EXOC2: variants seen among roughly 807,000 people sequenced by gnomAD.
EXOC2 encodes the protein SEC5-like 1.
A neutral mutation model predicts 131.8 loss-of-function variants in EXOC2; 70 were observed. That is an observed-to-expected ratio of 0.53 (90% confidence interval 0.44 to 0.65). The LOEUF is 0.65. Ranked by LOEUF, EXOC2 falls within the 30% of genes least tolerant of loss-of-function variation. The pLI is 0.00. For missense variants in EXOC2, 923 were observed against 1,108.6 expected, an observed-to-expected ratio of 0.83 and a Z score of 2.38; for synonymous variants, 411 against 398.4, an observed-to-expected ratio of 1.03 and a Z score of -0.38.
chr6:492,171 A>G (rs1763472376), intron 25 of EXOC2, among the ~76,000 whole-genome samples: 1 of 152,366 alleles, frequency 6.6e-6, no homozygotes, highest in East Asian at 1.9e-4. Flanking sequence ...CCAGTGCTAC[A>G]AAGACACCAT....
intron 1 of EXOC2, among the ~76,000 whole-genome samples, chr6:650,282 A>C (rs1269968013): frequency 6.6e-6 from 1 of 152,194 alleles, no homozygotes; most frequent in African/African-American, 2.4e-5. Flanking sequence ...ACTTTTACGC[A>C]CTGTGAAACG....
At chr6:658,454 G>T (rs918688700) in intron 1 of EXOC2, among the ~76,000 whole-genome samples, 1 of 151,706 alleles carries the variant, frequency 6.6e-6, no homozygotes, top group Admixed American at 6.6e-5. Flanking sequence ...AGACTTCTTT[G>T]TTTGCCGTCT....
intron 1 of EXOC2, among the ~76,000 whole-genome samples, chr6:692,154 T>C (rs1361012314): frequency 6.6e-6 from 1 of 152,246 alleles, no homozygotes; most frequent in African/African-American, 2.4e-5. Flanking sequence ...GTGGCTAACT[T>C]AGAAAAAATA....
chr6:601,121 G>A (rs997242587), intron 7 of EXOC2, among the ~76,000 whole-genome samples: 1 of 152,126 alleles, frequency 6.6e-6, no homozygotes, highest in Non-Finnish European at 1.5e-5. Context: ...AAGAAAAGGG[G>A]TGCTCTTCAC....
At chr6:569,618 A>C (rs1758160002) in intron 13 of EXOC2, among the ~76,000 whole-genome samples, 2 of 152,338 alleles carry the variant, frequency 1.3e-5, no homozygotes, top group Admixed American at 1.3e-4. Context: ...AAGGGAAGCA[A>C]GTGTCCCCAG....
intron 7 of EXOC2, among the ~76,000 whole-genome samples, chr6:604,987 C>T (rs1441443640): frequency 6.6e-6 from 1 of 152,096 alleles, no homozygotes; most frequent in Admixed American, 6.5e-5. Flanking sequence ...TATTATCAAA[C>T]CATCATTTGA....
chr6:617,639 T>C (rs1458246869), intron 6 of EXOC2, 72 bp downstream of exon 6: 5 of 1,556,450 alleles, frequency 3.2e-6, no homozygotes, highest in South Asian at 1.2e-5. Context: ...TCACACCCTG[T>C]AAACACCCTG....
intron 23 of EXOC2, among the ~76,000 whole-genome samples, chr6:528,668 C>T (rs139337861): frequency 9.9e-5 from 15 of 151,926 alleles, no homozygotes; most frequent in African/African-American, 2.7e-4. Flanking sequence ...AACCAATAAA[C>T]GAAGCTATGT....
At chr6:536,438 G>A (rs1304043646) in intron 22 of EXOC2, among the ~76,000 whole-genome samples, 1 of 152,066 alleles carries the variant, frequency 6.6e-6, no homozygotes, top group African/African-American at 2.4e-5. Context: ...ACAAAACACT[G>A]CTGAAAGAAA....
intron 3 of EXOC2, among the ~76,000 whole-genome samples, chr6:632,062 G>A (rs999145051): frequency 9.9e-5 from 15 of 152,250 alleles, no homozygotes; most frequent in Non-Finnish European, 1.8e-4. Context: ...TGCTGACCAG[G>A]TGCAAGACAT....
intron 23 of EXOC2, among the ~76,000 whole-genome samples, chr6:522,018 T>G (rs1765495958): frequency 6.6e-6 from 1 of 152,234 alleles, no homozygotes; most frequent in Non-Finnish European, 1.5e-5. Flanking sequence ...TTTTCACCTA[T>G]CATCTATGGC....
intron 2 of EXOC2, 26 bp downstream of exon 2, chr6:637,675 G>A: frequency 1.9e-6 from 3 of 1,558,158 alleles, no homozygotes; most frequent in Non-Finnish European, 2.6e-6. Context: ...GATTAGCAGG[G>A]TGCGTCGCAG....
At chr6:520,879 C>A (rs111659559) in intron 23 of EXOC2, among the ~76,000 whole-genome samples, 2 of 136,086 alleles carry the variant, frequency 1.5e-5, no homozygotes, top group Non-Finnish European at 3.2e-5. Flanking sequence ...CCACCACCCA[C>A]CGAGCGCCAA....
At chr6:604,860 T>C (rs1352929308) in intron 7 of EXOC2, among the ~76,000 whole-genome samples, 2 of 151,626 alleles carry the variant, frequency 1.3e-5, no homozygotes, top group Non-Finnish European at 2.9e-5. Flanking sequence ...GTCTGGGTAC[T>C]TCCTGCTCCT....
intron 23 of EXOC2, among the ~76,000 whole-genome samples, chr6:507,131 C>CAGCAGTGACT (rs1764588672): frequency 1.1e-5 from 1 of 89,540 alleles, no homozygotes; most frequent in Non-Finnish European, 2.2e-5. Flanking sequence ...CACATACACA[C>CAGCAGTGACT]ACACATACAC....
At chr6:652,055 C>CAAAAAAAAA (rs779403495) in intron 1 of EXOC2, among the ~76,000 whole-genome samples, 3 of 78,000 alleles carry the variant, frequency 3.8e-5, no homozygotes, top group African/African-American at 1.4e-4. Flanking sequence ...GATTCCATCT[C>CAAAAAAAAA]AAAAAAAAAA....
At chr6:631,388 A>C (rs1761845637) in intron 3 of EXOC2, among the ~76,000 whole-genome samples, 1 of 152,086 alleles carries the variant, frequency 6.6e-6, no homozygotes, top group Middle Eastern at 3.2e-3. Flanking sequence ...AAATACAAAA[A>C]TTAGCTGGGC....
intron 24 of EXOC2, among the ~76,000 whole-genome samples, chr6:498,977 A>G (rs1430622819): frequency 1.3e-5 from 2 of 152,220 alleles, no homozygotes; most frequent in African/African-American, 4.8e-5. Context: ...GCAGCCATAG[A>G]TCATGGTGGT....
intron 1 of EXOC2, among the ~76,000 whole-genome samples, chr6:662,840 C>T (rs755312319): frequency 6.6e-6 from 1 of 151,870 alleles, no homozygotes; most frequent in Non-Finnish European, 1.5e-5. Context: ...ATTGAAAAAA[C>T]ACCAACAAAA....
Sources: gnomAD v4.1 joint callset for allele counts (sites outside exome capture counted in the v4.1 genomes callset) on GRCh38, gnomAD v4.1.1 for gene constraint, MANE v1.5 for transcripts, NCBI Gene and HGNC (gene_info 2026-07-23, HGNC 2026-07-21) for gene names.